Variants in ST6GALNAC3 observed in about 807,000 individuals in gnomAD.
The protein encoded by ST6GALNAC3 is ST6 N-acetylgalactosaminide alpha-2,6-sialyltransferase 3.
Under a neutral mutation model 32.7 loss-of-function variants are expected in ST6GALNAC3, and 25 were observed. The observed-to-expected ratio is 0.76, with a 90% CI of 0.56 to 1.07. ST6GALNAC3 has a LOEUF of 1.07. Among genes scored for constraint, ST6GALNAC3 ranks in the 50% least tolerant of loss-of-function variants. The pLI, the probability that ST6GALNAC3 is intolerant of heterozygous loss-of-function variation, is 0.00. For synonymous variants in ST6GALNAC3, 129 were observed against 133.1 expected, an observed-to-expected ratio of 0.97 and a Z score of 0.21; for missense variants, 355 against 382.4, an observed-to-expected ratio of 0.93 and a Z score of 0.60.
chr1:76,283,179 C>T (rs1211652690), intron 1 of ST6GALNAC3, among the ~76,000 whole-genome samples: 1 of 152,070 alleles, frequency 6.6e-6, no homozygotes, highest in African/African-American at 2.4e-5. Context: ...GAGCTAGGAA[C>T]TAGCTTTGTT....
At position 76,359,241 on chromosome 1, in the gene ST6GALNAC3, C is replaced by T. The variant is rs542769087; in HGVS notation, c.213+45242C>T. Reference sequence around the variant, plus strand: ...AAAAAATATAGTGGTTGAATTATGTCCCTCCATAATTTTTATGTTGAAGTA... The same window carrying T: ...AAAAAATATAGTGGTTGAATTATGTTCCTCCATAATTTTTATGTTGAAGTA... On this transcript the variant is annotated intron_variant, in intron 2 of 4. Transcript: ENST00000328299. 3.3e-5 allele frequency among the ~76,000 whole-genome samples: 5 copies of T among 152,204 alleles called. No homozygotes were observed. In the South Asian group the frequency reaches 1.0e-3, roughly 32 times the overall value.
At chr1:76,620,912 CTA>C (rs1430202424) in intron 3 of ST6GALNAC3, among the ~76,000 whole-genome samples, 3 of 151,950 alleles carry the variant, frequency 2.0e-5, no homozygotes, top group Non-Finnish European at 4.4e-5. Context: ...TGAATGAAAT[CTA>C]GAAAATCAGC....
At chr1:76,287,387 CTT>C (rs5775339) in intron 1 of ST6GALNAC3, among the ~76,000 whole-genome samples, 123 of 130,712 alleles carry the variant, frequency 9.4e-4, no homozygotes, top group East Asian at 7.1e-3. Context: ...TTTTTTCTTC[CTT>C]TTTTTTTTTT....
intron 3 of ST6GALNAC3, among the ~76,000 whole-genome samples, chr1:76,565,212 A>G (rs548116346): frequency 6.6e-6 from 1 of 152,136 alleles, no homozygotes; most frequent in East Asian, 1.9e-4. Context: ...ACACCCCTTT[A>G]AAGCTCACCA....
chr1:76,479,641 A>C (rs1221115228), intron 3 of ST6GALNAC3, among the ~76,000 whole-genome samples: 1 of 152,126 alleles, frequency 6.6e-6, no homozygotes, highest in Non-Finnish European at 1.5e-5. Flanking sequence ...ATGATAACTC[A>C]TTTCCCTAGC....
intron 3 of ST6GALNAC3, among the ~76,000 whole-genome samples, chr1:76,444,214 A>C (rs972783543): frequency 6.6e-6 from 1 of 152,216 alleles, no homozygotes; most frequent in Non-Finnish European, 1.5e-5. Flanking sequence ...CTAAAAGTGC[A>C]CCAAACTATA....
chr1:76,499,394 A>G (rs2101720252), intron 3 of ST6GALNAC3, among the ~76,000 whole-genome samples: 1 of 152,328 alleles, frequency 6.6e-6, no homozygotes, highest in African/African-American at 2.4e-5. Flanking sequence ...CACTTATCAA[A>G]CCACACAGAG....
At chr1:76,201,156 T>C (rs1158279248) in intron 1 of ST6GALNAC3, among the ~76,000 whole-genome samples, 2 of 152,190 alleles carry the variant, frequency 1.3e-5, no homozygotes, top group South Asian at 2.1e-4. Context: ...TGTATTAGTC[T>C]GTTCTCTCAC....
rs373351725 is a variant in ST6GALNAC3, at chr1:76,457,390, C to T, written c.623+44973C>T. 9.1e-3 allele frequency among the ~76,000 whole-genome samples: 1,376 copies of T among 152,042 alleles called. 43 individuals are homozygous for T. Among genetic ancestry groups the T allele is most frequent in the Admixed American group, 0.055 (845 of 15,242 alleles). Reference sequence around the variant, plus strand: ...TATGGAACCAAAAAGGAGCCCGCATCGCCAAGTCAATCCTAAGCCAAAAGA... The same window carrying T: ...TATGGAACCAAAAAGGAGCCCGCATTGCCAAGTCAATCCTAAGCCAAAAGA... On this transcript the variant is annotated intron_variant, in intron 3 of 4. Coordinates refer to ENST00000328299, the MANE Select transcript of ST6GALNAC3 (RefSeq NM_152996.4).
At chr1:76,240,335 T>G (rs886696132) in intron 1 of ST6GALNAC3, among the ~76,000 whole-genome samples, 4 of 152,252 alleles carry the variant, frequency 2.6e-5, no homozygotes, top group Admixed American at 2.6e-4. Context: ...TGTTTTACTT[T>G]TTACCAGCAA....
chr1:76,362,599 G>A (rs1252153728), intron 2 of ST6GALNAC3, among the ~76,000 whole-genome samples: 2 of 152,192 alleles, frequency 1.3e-5, no homozygotes, highest in African/African-American at 4.8e-5. Flanking sequence ...AAGATACAAT[G>A]GGGTTATAGA....
At chr1:76,258,919 A>G (rs988640957) in intron 1 of ST6GALNAC3, among the ~76,000 whole-genome samples, 7 of 152,148 alleles carry the variant, frequency 4.6e-5, no homozygotes, top group Non-Finnish European at 7.4e-5. Flanking sequence ...CAACATTTAC[A>G]TTGTCCAAAA....
intron 3 of ST6GALNAC3, among the ~76,000 whole-genome samples, chr1:76,423,084 A>G (rs1489352578): frequency 1.3e-5 from 2 of 151,962 alleles, no homozygotes; most frequent in Non-Finnish European, 2.9e-5. Flanking sequence ...TTGCTTTGCA[A>G]TTTTGCTCAT....
chr1:76,186,707 T>G (rs541526782), intron 1 of ST6GALNAC3, among the ~76,000 whole-genome samples: 1 of 132,304 alleles, frequency 7.6e-6, no homozygotes, highest in East Asian at 2.2e-4. Flanking sequence ...CTCTGGAAAT[T>G]GTACATGTAA....
chr1:76,477,632 C>T (rs1041338511), intron 3 of ST6GALNAC3, among the ~76,000 whole-genome samples: 2 of 152,146 alleles, frequency 1.3e-5, no homozygotes, highest in Non-Finnish European at 2.9e-5. Flanking sequence ...ACATTTGTCC[C>T]TGTGCCCAGA....
chr1:76,303,668 G>T (rs1233490905), intron 1 of ST6GALNAC3, among the ~76,000 whole-genome samples: 1 of 152,028 alleles, frequency 6.6e-6, no homozygotes, highest in Non-Finnish European at 1.5e-5. Flanking sequence ...CTCATTCCAT[G>T]ATATAGGATT....
intron 1 of ST6GALNAC3, among the ~76,000 whole-genome samples, chr1:76,124,916 G>T (rs1649144174): frequency 6.6e-6 from 1 of 151,972 alleles, no homozygotes; most frequent in Admixed American, 6.6e-5. Context: ...ATACACACCA[G>T]ATTACAAAAG....
At chr1:76,276,638 T>C (rs2100770822) in intron 1 of ST6GALNAC3, among the ~76,000 whole-genome samples, 1 of 152,274 alleles carries the variant, frequency 6.6e-6, no homozygotes, top group East Asian at 1.9e-4. Context: ...CTCTTATACA[T>C]TGTTGTGCCT....
intron 2 of ST6GALNAC3, among the ~76,000 whole-genome samples, chr1:76,365,310 A>G (rs1375923140): frequency 6.6e-6 from 1 of 152,174 alleles, no homozygotes; most frequent in Non-Finnish European, 1.5e-5. Context: ...AATAATAGAC[A>G]CTGGGGACTC....
Sources: allele counts gnomAD v4.1 joint callset (sites outside exome capture counted in the v4.1 genomes callset), GRCh38; gene constraint gnomAD v4.1.1; transcripts MANE v1.5; gene names NCBI Gene and HGNC (gene_info 2026-07-23, HGNC 2026-07-21).